NRXN1: variants seen among roughly 807,000 people sequenced by gnomAD.
NRXN1 encodes neurexin-1.
A neutral mutation model predicts 150.9 loss-of-function variants in NRXN1; 39 were observed. That is an observed-to-expected ratio of 0.26 (90% CI 0.20 to 0.34). The LOEUF is 0.34. Among genes scored for constraint, NRXN1 ranks in the 10% least tolerant of loss-of-function variants. The probability of loss-of-function intolerance (pLI) is 1.00; values close to 1 mark genes in which losing one functional copy is unlikely to be tolerated. For synonymous variants in NRXN1, 924 were observed against 757.0 expected, an observed-to-expected ratio of 1.22 and a Z score of -3.62; for missense variants, 1,815 against 1,949.9, an observed-to-expected ratio of 0.93 and a Z score of 1.30.
chr2:50,412,181 C>A (rs375022485), intron 17 of NRXN1, among the ~76,000 whole-genome samples: 12 of 152,160 alleles, frequency 7.9e-5, no homozygotes, highest in East Asian at 1.9e-4. Context: ...CTGCAGAAGG[C>A]GGCAGGGCCC....
intron 17 of NRXN1, among the ~76,000 whole-genome samples, chr2:50,334,578 G>A (rs1575124739): frequency 6.6e-6 from 1 of 151,970 alleles, no homozygotes; most frequent in African/African-American, 2.4e-5. Flanking sequence ...TTCTTTGGAG[G>A]TCCTATTTCC....
At chr2:50,562,055 T>C (rs1451047834) in intron 8 of NRXN1, among the ~76,000 whole-genome samples, 1 of 152,162 alleles carries the variant, frequency 6.6e-6, no homozygotes, top group Non-Finnish European at 1.5e-5. Context: ...GTAGCACTAT[T>C]ATTATTATTT....
At chr2:50,270,302 C>A (rs1487064752) in intron 17 of NRXN1, among the ~76,000 whole-genome samples, 1 of 152,122 alleles carries the variant, frequency 6.6e-6, no homozygotes, top group Non-Finnish European at 1.5e-5. Context: ...TTGTGAATTG[C>A]AGACTATTTT....
At chr2:50,627,157 A>G (rs1681252016) in intron 5 of NRXN1, among the ~76,000 whole-genome samples, 1 of 151,850 alleles carries the variant, frequency 6.6e-6, no homozygotes, top group Admixed American at 6.6e-5. Flanking sequence ...ATAAAAATTG[A>G]CCAACTGTAA....
chr2:50,353,871 G>C (rs1422048277), intron 17 of NRXN1, among the ~76,000 whole-genome samples: 1 of 152,160 alleles, frequency 6.6e-6, no homozygotes, highest in Non-Finnish European at 1.5e-5. Flanking sequence ...AGAGGGGCTA[G>C]AAGGGCTGTT....
intron 5 of NRXN1, among the ~76,000 whole-genome samples, chr2:50,776,653 C>T (rs368896617): frequency 1.6e-5 from 2 of 126,202 alleles, no homozygotes; most frequent in Non-Finnish European, 3.7e-5. Flanking sequence ...TATATATACA[C>T]ATACACACAC....
chr2:50,507,589 T>C (rs755592621), intron 12 of NRXN1, among the ~76,000 whole-genome samples: 2 of 147,560 alleles, frequency 1.4e-5, no homozygotes, highest in Non-Finnish European at 3.0e-5. Flanking sequence ...AGAAAGGTGT[T>C]TGGTAGAAAT....
chr2:50,768,467 AT>A lies in NRXN1; in HGVS notation c.833-144853del, dbSNP rs111995079. On this transcript the variant is annotated intron_variant, in intron 5 of 22. Transcript: ENST00000401669. ...AGGACTACAGGTGTGCACCCTGATG[AT>A]TTTTTTTTTTTTAATTTTAGTAGAG... Among the ~76,000 whole-genome samples the A allele has an allele frequency of 5.9e-3, 844 of 143,808 alleles. 10 individuals are homozygous for A. The highest frequency in any genetic ancestry group is 0.056 in the East Asian group (274 of 4,920). 94.3% of individuals were successfully genotyped at this position (143,808 alleles called of 152,430 possible). A position where few individuals can be genotyped will look rare whatever the true frequency, so the allele number is the denominator to read the frequency against.
Position 50,873,727 on chromosome 2 carries a change from CATT to C in NRXN1, c.832+48139_832+48141del, listed in dbSNP as rs749148585. Among the ~76,000 whole-genome samples the C allele has an allele frequency of 4.6e-5, 7 of 151,890 alleles. No individual in the cohort carries two copies. In the East Asian group the frequency reaches 5.9e-4, roughly 13 times the overall value. On this transcript the variant is annotated intron_variant, in intron 5 of 22. Transcript: ENST00000401669. ...AACACCCAGACTGCACCTGTTAGAT[CATT>C]ATTATTTCAGAAATTCCATATTGTA...
At chr2:50,290,667 A>C (rs1574950246) in intron 17 of NRXN1, among the ~76,000 whole-genome samples, 1 of 152,144 alleles carries the variant, frequency 6.6e-6, no homozygotes. Context: ...AGCAGAGAGG[A>C]CTGGAGGGGG....
rs765469551 is a variant in NRXN1, at chr2:50,053,254, A to G, written c.4128+17T>C. On this transcript the variant is annotated intron_variant, in intron 21 of 22. Transcript: ENST00000401669. Reference sequence around the variant, plus strand: ...TAATATAGGATGAAAATGAAGGAATAAAATCCACAGGCTCACCTGGCTAAT... The same window carrying G: ...TAATATAGGATGAAAATGAAGGAATGAAATCCACAGGCTCACCTGGCTAAT... 3.1e-6 allele frequency: 5 copies of G among 1,613,472 alleles called. No homozygotes were observed. The Admixed American group carries it at 6.7e-5, about 22-fold the overall frequency.
chr2:50,487,138 A>C (rs1349117140), intron 15 of NRXN1, among the ~76,000 whole-genome samples: 1 of 152,234 alleles, frequency 6.6e-6, no homozygotes, highest in South Asian at 2.1e-4. Flanking sequence ...AATTAAAGAG[A>C]AAATATATGT....
At chr2:50,046,214 C>T (rs983499597) in intron 21 of NRXN1, among the ~76,000 whole-genome samples, 1 of 152,152 alleles carries the variant, frequency 6.6e-6, no homozygotes, top group African/African-American at 2.4e-5. Context: ...CCAGGACTGT[C>T]CCAGCATTGC....
intron 17 of NRXN1, among the ~76,000 whole-genome samples, chr2:50,311,079 T>G (rs1185910236): frequency 6.6e-6 from 1 of 152,300 alleles, no homozygotes; most frequent in East Asian, 1.9e-4. Context: ...GCCTTTTTTA[T>G]TTTAATGTGG....
intron 17 of NRXN1, among the ~76,000 whole-genome samples, chr2:50,238,952 A>G (rs1158552632): frequency 6.6e-6 from 1 of 152,014 alleles, no homozygotes; most frequent in African/African-American, 2.4e-5. Context: ...GCATGAAAAC[A>G]GTTTATCTCT....
chr2:50,288,668 T>A (rs981377748), intron 17 of NRXN1, among the ~76,000 whole-genome samples: 1 of 152,118 alleles, frequency 6.6e-6, no homozygotes, highest in African/African-American at 2.4e-5. Flanking sequence ...GGAACTCCCA[T>A]TTATAAAACC....
intron 2 of NRXN1, among the ~76,000 whole-genome samples, chr2:50,960,504 C>T (rs1293553703): frequency 6.6e-6 from 1 of 151,940 alleles, no homozygotes; most frequent in South Asian, 2.1e-4. Flanking sequence ...AAAATAAGCA[C>T]TGTGGTAAAC....
intron 2 of NRXN1, among the ~76,000 whole-genome samples, chr2:50,980,423 T>C (rs1405849453): frequency 2.0e-5 from 3 of 152,286 alleles, no homozygotes; most frequent in African/African-American, 7.2e-5. Flanking sequence ...ATTACAATAT[T>C]TTGACAGCTT....
chr2:50,672,213 C>A (rs1044305439), intron 5 of NRXN1, among the ~76,000 whole-genome samples: 4 of 151,654 alleles, frequency 2.6e-5, no homozygotes, highest in African/African-American at 9.7e-5. Context: ...TCAAAATTTT[C>A]TTACTGGCTT....
Sources: allele counts gnomAD v4.1 joint callset (sites outside exome capture counted in the v4.1 genomes callset), GRCh38; gene constraint gnomAD v4.1.1; transcripts MANE v1.5; gene names NCBI Gene and HGNC (gene_info 2026-07-23, HGNC 2026-07-21).